The following ATP10B variants were observed in gnomAD, a reference collection of about 807,000 sequenced individuals.
ATP10B encodes ATPase phospholipid transporting 10B (putative), also known as phospholipid-transporting ATPase VB.
In ATP10B, 122 loss-of-function variants were observed where a neutral mutation model predicts 141.2. That is an observed-to-expected ratio of 0.86 (90% CI 0.75 to 1.00). The LOEUF (loss-of-function observed/expected upper bound fraction) is 1.00, where lower values mean the gene tolerates loss of function less well. ATP10B is among the 50% of genes least tolerant of loss of function. The probability of loss-of-function intolerance (pLI) is 0.00; values close to 1 mark genes in which losing one functional copy is unlikely to be tolerated. For missense variants in ATP10B, 1,876 were observed against 1,825.3 expected, an observed-to-expected ratio of 1.03 and a Z score of -0.51; for synonymous variants, 685 against 692.0, an observed-to-expected ratio of 0.99 and a Z score of 0.16.
intron 2 of ATP10B, among the ~76,000 whole-genome samples, chr5:160,769,099 CAG>C (rs905223075): frequency 1.8e-4 from 28 of 152,198 alleles, no homozygotes; most frequent in African/African-American, 6.0e-4. Flanking sequence ...CACTGAAAGA[CAG>C]AGTTTCCATA....
intron 8 of ATP10B, 151 bp from the exon 9 acceptor site, chr5:160,644,395 C>T: frequency 1.6e-6 from 1 of 640,792 alleles, no homozygotes; most frequent in African/African-American, 1.8e-5. Flanking sequence ...ATCTAATCTC[C>T]TTCATGTTCA....
intron 1 of ATP10B, among the ~76,000 whole-genome samples, chr5:160,800,613 T>G (rs1028691945): frequency 4.6e-5 from 7 of 152,218 alleles, no homozygotes; most frequent in African/African-American, 1.4e-4. Flanking sequence ...GACTGATAAA[T>G]TATAGGCAGT....
chr5:160,915,806 C>G, the ATP10B span, among the ~76,000 whole-genome samples: 1 of 152,148 alleles, frequency 6.6e-6, no homozygotes, highest in Non-Finnish European at 1.5e-5. Context: ...GACATTCGTC[C>G]CACACACTCA....
intron 24 of ATP10B, among the ~76,000 whole-genome samples, chr5:160,588,001 C>A (rs1756025678): frequency 6.6e-6 from 1 of 152,086 alleles, no homozygotes; most frequent in Non-Finnish European, 1.5e-5. Flanking sequence ...GGGCACATGC[C>A]ATCATGCCTA....
chr5:160,874,469 C>A, the ATP10B span, among the ~76,000 whole-genome samples: 54 of 152,246 alleles, frequency 3.5e-4, 1 homozygote, highest in African/African-American at 1.3e-3. Flanking sequence ...CTCTAAAACG[C>A]AGAGTGCCTC....
the ATP10B span, among the ~76,000 whole-genome samples, chr5:160,872,629 G>T: frequency 6.6e-6 from 1 of 152,096 alleles, no homozygotes; most frequent in East Asian, 1.9e-4. Flanking sequence ...TGTTGAAAAA[G>T]GTGTCATTTC....
chr5:160,806,303 C>T (rs1012943033), intron 1 of ATP10B, among the ~76,000 whole-genome samples: 3 of 152,176 alleles, frequency 2.0e-5, no homozygotes, highest in African/African-American at 4.8e-5. Flanking sequence ...CAATTACACT[C>T]CCCTGACCCA....
intron 1 of ATP10B, among the ~76,000 whole-genome samples, chr5:160,809,390 TA>T (rs930071018): frequency 4.6e-5 from 7 of 152,254 alleles, no homozygotes; most frequent in East Asian, 1.9e-4. Flanking sequence ...TGACCAAGTT[TA>T]AAAAAATTTT....
chr5:160,634,307 G>T (rs781330334), intron 12 of ATP10B, 47 bp downstream of exon 12: 15 of 1,613,318 alleles, frequency 9.3e-6, no homozygotes, highest in Middle Eastern at 1.7e-4. Context: ...GGAGAGCAGG[G>T]TATTTCCTTT....
chr5:160,568,982 A>G (rs10866719), intron 25 of ATP10B, among the ~76,000 whole-genome samples: 11,246 of 152,238 alleles, frequency 0.074, 937 homozygotes, highest in African/African-American at 0.21. Context: ...TGGCAATTTC[A>G]TGCACAATTT....
intron 7 of ATP10B, among the ~76,000 whole-genome samples, chr5:160,666,718 A>G (rs1041498544): frequency 8.5e-5 from 13 of 152,212 alleles, no homozygotes; most frequent in African/African-American, 3.1e-4. Flanking sequence ...CCCTAAAAGT[A>G]TAAGGGAGAA....
At chr5:160,916,786 C>T in the ATP10B span, among the ~76,000 whole-genome samples, 1 of 152,230 alleles carries the variant, frequency 6.6e-6, no homozygotes, top group African/African-American at 2.4e-5. Flanking sequence ...CCATCTTCCC[C>T]TGATTACAGC....
chr5:160,867,954 G>A, the ATP10B span, among the ~76,000 whole-genome samples: 15 of 152,192 alleles, frequency 9.9e-5, no homozygotes, highest in African/African-American at 2.9e-4. Flanking sequence ...AACATGTATC[G>A]TTATTCAGGT....
chr5:160,766,915 G>A (rs1045300296), intron 2 of ATP10B, among the ~76,000 whole-genome samples: 6 of 152,100 alleles, frequency 3.9e-5, no homozygotes, highest in Admixed American at 3.3e-4. Context: ...CTAGATCATG[G>A]TCAAGGCAGC....
the ATP10B span, among the ~76,000 whole-genome samples, chr5:160,866,848 G>A: frequency 3.3e-5 from 5 of 152,162 alleles, no homozygotes; most frequent in Non-Finnish European, 7.4e-5. Context: ...ACTTATCCAT[G>A]TGAAAATACC....
chr5:160,750,709 T>G (rs1289476088), intron 2 of ATP10B, among the ~76,000 whole-genome samples: 1 of 152,170 alleles, frequency 6.6e-6, no homozygotes, highest in Non-Finnish European at 1.5e-5. Context: ...CCAGATAAAT[T>G]GCAGCCCCTT....
At chr5:160,597,988 A>T (rs1369858962) in intron 22 of ATP10B, among the ~76,000 whole-genome samples, 2 of 139,162 alleles carry the variant, frequency 1.4e-5, no homozygotes, top group African/African-American at 5.2e-5. Context: ...CAGTGTGGGG[A>T]TTCCTCAGGG....
intron 8 of ATP10B, among the ~76,000 whole-genome samples, chr5:160,648,782 G>T (rs1023778597): frequency 6.6e-6 from 1 of 152,026 alleles, no homozygotes; most frequent in African/African-American, 2.4e-5. Flanking sequence ...GCAGAACCCC[G>T]ATTCAAACCC....
At chr5:160,739,066 T>A (rs1025143024) in intron 2 of ATP10B, among the ~76,000 whole-genome samples, 1 of 152,170 alleles carries the variant, frequency 6.6e-6, no homozygotes, top group Admixed American at 6.5e-5. Flanking sequence ...ACTCATCATA[T>A]TAATAACGCA....
Sources: gnomAD v4.1 joint callset for allele counts (sites outside exome capture counted in the v4.1 genomes callset) on GRCh38, gnomAD v4.1.1 for gene constraint, MANE v1.5 for transcripts, NCBI Gene and HGNC (gene_info 2026-07-23, HGNC 2026-07-21) for gene names.